TSC22D1: variants seen among roughly 807,000 people sequenced by gnomAD.
TSC22D1 encodes TSC22 domain family member 1.
A neutral mutation model predicts 74.2 loss-of-function variants in TSC22D1; 9 were observed. The observed-to-expected ratio is 0.12, with a 90% CI of 0.07 to 0.21. The LOEUF (loss-of-function observed/expected upper bound fraction) is 0.21. Ranked by LOEUF, TSC22D1 falls within the 10% of genes least tolerant of loss-of-function variation. TSC22D1 has a pLI of 1.00. For synonymous variants in TSC22D1, 586 were observed against 492.5 expected, an observed-to-expected ratio of 1.19 and a Z score of -2.51; for missense variants, 1,427 against 1,304.7, an observed-to-expected ratio of 1.09 and a Z score of -1.44.
intron 1 of TSC22D1, among the ~76,000 whole-genome samples, chr13:44,437,610 A>T (rs891840420): frequency 6.6e-6 from 1 of 152,158 alleles, no homozygotes. Flanking sequence ...TCTCCCTAGT[A>T]ACTAAATATG....
intron 1 of TSC22D1, among the ~76,000 whole-genome samples, chr13:44,465,331 T>A (rs891538524): frequency 1.3e-5 from 2 of 152,222 alleles, no homozygotes; most frequent in African/African-American, 4.8e-5. Flanking sequence ...GAAAGCTATA[T>A]TCACGTCATA....
rs1555272493 is a variant in TSC22D1, at chr13:44,551,389, G to GGGGT, written c.2912+21773_2912+21774insACCC. Among the ~76,000 whole-genome samples the GGGGT allele has an allele frequency of 2.0e-3, 249 of 125,308 alleles. 4 individuals carry two copies. The highest frequency in any genetic ancestry group is 2.7e-3 in the Non-Finnish European group (164 of 59,808). The allele number at this position is 125,308 out of a possible 152,430, so 82.2% of individuals were successfully genotyped here. On this transcript the variant is annotated intron_variant, in intron 1 of 2. Coordinates refer to ENST00000458659, the MANE Select transcript of TSC22D1 (RefSeq NM_183422.4). ...AAAAACCCAAAACCCCAATCAGATG[G>GGGGT]GTGTGTGTGTGTGTGTGTGTGTGTG...
chr13:44,436,037 T>A lies in TSC22D1; in HGVS notation c.2964+7A>T. 6.2e-7 allele frequency: 1 copy of A among 1,613,424 alleles called. No homozygotes were observed. Among genetic ancestry groups the A allele is most frequent in the Non-Finnish European group, 8.5e-7 (1 of 1,179,508 alleles). On this transcript the variant is annotated splice_region_variant and intron_variant, in intron 2 of 2. Coordinates refer to ENST00000458659, the MANE Select transcript of TSC22D1 (RefSeq NM_183422.4). ...TTTAGTATAAATGATTTTTCATCAG[T>A]ACATACCATAGCTTGCTCGATTTTG...
intron 1 of TSC22D1, among the ~76,000 whole-genome samples, chr13:44,551,766 T>C (rs1417788333): frequency 6.6e-6 from 1 of 152,048 alleles, no homozygotes; most frequent in African/African-American, 2.4e-5. Flanking sequence ...CTGGGTACAG[T>C]GGTTCAGACC....
intron 1 of TSC22D1, among the ~76,000 whole-genome samples, chr13:44,552,499 T>C (rs901428100): frequency 2.0e-4 from 31 of 152,148 alleles, no homozygotes; most frequent in African/African-American, 6.8e-4. Context: ...TGCTACCACA[T>C]AGAAAGTCTA....
intron 1 of TSC22D1, among the ~76,000 whole-genome samples, chr13:44,493,848 C>T (rs1878831775): frequency 6.6e-6 from 1 of 152,140 alleles, no homozygotes; most frequent in African/African-American, 2.4e-5. Context: ...GTATTCAAGG[C>T]CATCTGTCAA....
At chr13:44,572,707 A>G (rs1396525465) in intron 1 of TSC22D1, among the ~76,000 whole-genome samples, 4 of 152,250 alleles carry the variant, frequency 2.6e-5, no homozygotes, top group African/African-American at 9.6e-5. Context: ...AGTAGGCAAC[A>G]ATATCTTTCA....
Position 44,434,070 on chromosome 13 carries a change from T to A in TSC22D1, c.*556A>T. ...CACTCTCATAGTTTTGTGTCATCCATTGTTTGAGAAGAAAGAGGCACAGTA... is the reference window on the plus strand; with the variant it reads ...CACTCTCATAGTTTTGTGTCATCCAATGTTTGAGAAGAAAGAGGCACAGTA... On this transcript the variant is annotated 3_prime_UTR_variant, in exon 3 of 3. Transcript: ENST00000458659. 6.6e-7 allele frequency: 1 copy of A among 1,525,032 alleles called. No individual in the cohort carries two copies. Among genetic ancestry groups the A allele is most frequent in the Non-Finnish European group, 8.8e-7 (1 of 1,142,346 alleles). The allele number at this position is 1,525,032 out of a possible 1,614,324, so 94.5% of individuals were successfully genotyped here.
chr13:44,450,785 GGGCATAAGAAAATACT>G (rs1487078774), intron 1 of TSC22D1, among the ~76,000 whole-genome samples: 15 of 152,174 alleles, frequency 9.9e-5, no homozygotes, highest in African/African-American at 3.4e-4. Flanking sequence ...AGGTGGGGTT[GGGCATAAGAAAATACT>G]GGCATAAGAA....
chr13:44,474,513 G>C (rs1877785682), intron 1 of TSC22D1, among the ~76,000 whole-genome samples: 1 of 152,128 alleles, frequency 6.6e-6, no homozygotes, highest in Non-Finnish European at 1.5e-5. Context: ...GGTTTTCTTA[G>C]AGTGCAACAA....
intron 1 of TSC22D1, among the ~76,000 whole-genome samples, chr13:44,461,890 C>T (rs1877017746): frequency 6.6e-6 from 1 of 152,128 alleles, no homozygotes; most frequent in Admixed American, 6.5e-5. Flanking sequence ...ATAGGAGCAC[C>T]AGTGGGGTGT....
chr13:44,465,934 T>C (rs552327291), intron 1 of TSC22D1, among the ~76,000 whole-genome samples: 2 of 152,140 alleles, frequency 1.3e-5, no homozygotes, highest in South Asian at 2.1e-4. Context: ...GATTGTGCCA[T>C]TGCACTCCAG....
intron 1 of TSC22D1, among the ~76,000 whole-genome samples, chr13:44,503,212 C>T (rs1879292870): frequency 6.6e-6 from 1 of 152,026 alleles, no homozygotes; most frequent in Non-Finnish European, 1.5e-5. Context: ...AACATATCAC[C>T]AATAATTTTC....
chr13:44,525,123 A>AAAAGCTGAGAAGCATTTGT (rs1284482590), intron 1 of TSC22D1, among the ~76,000 whole-genome samples: 1 of 152,114 alleles, frequency 6.6e-6, no homozygotes, highest in African/African-American at 2.4e-5. Context: ...AGGGGGGTAA[A>AAAAGCTGAGAAGCATTTGT]AAAGCTGAGA....
chr13:44,554,097 A>G (rs1174735308), intron 1 of TSC22D1, among the ~76,000 whole-genome samples: 1 of 152,234 alleles, frequency 6.6e-6, no homozygotes, highest in Non-Finnish European at 1.5e-5. Flanking sequence ...TAGCACAGTA[A>G]TAAAAACAGC....
At chr13:44,456,197 G>C (rs183409865) in intron 1 of TSC22D1, among the ~76,000 whole-genome samples, 12 of 152,328 alleles carry the variant, frequency 7.9e-5, no homozygotes, top group Admixed American at 2.6e-4. Context: ...GCAGCAGCAA[G>C]ATTTATCGCT....
intron 1 of TSC22D1, among the ~76,000 whole-genome samples, chr13:44,512,391 G>C (rs1879773725): frequency 6.6e-6 from 1 of 151,752 alleles, no homozygotes; most frequent in South Asian, 2.1e-4. Context: ...GGATGGTCTC[G>C]ATCTCCTGAC....
intron 1 of TSC22D1, among the ~76,000 whole-genome samples, chr13:44,456,392 T>C (rs1389952898): frequency 6.6e-6 from 1 of 152,220 alleles, no homozygotes. Flanking sequence ...TACAGAGTGC[T>C]GATTGGTGCG....
chr13:44,514,689 G>A lies in TSC22D1; in HGVS notation c.2912+58474C>T, dbSNP rs142470637. On this transcript the variant is annotated intron_variant, in intron 1 of 2. Transcript: ENST00000458659. Reference sequence around the variant, plus strand: ...CGCCTGGCCAACAAGGTGAAACCACGTCTCTACAAAAAATATAAAAATTAG... The same window carrying A: ...CGCCTGGCCAACAAGGTGAAACCACATCTCTACAAAAAATATAAAAATTAG... 4.6e-3 allele frequency among the ~76,000 whole-genome samples: 702 copies of A among 152,162 alleles called. 4 individuals are homozygous for A. Among genetic ancestry groups the A allele is most frequent in the Non-Finnish European group, 8.2e-3 (558 of 67,996 alleles).
Sources: gnomAD v4.1 joint callset for allele counts (sites outside exome capture counted in the v4.1 genomes callset) on GRCh38, gnomAD v4.1.1 for gene constraint, MANE v1.5 for transcripts, NCBI Gene and HGNC (gene_info 2026-07-23, HGNC 2026-07-21) for gene names.